The following JAM3 variants were observed in gnomAD, a reference collection of about 807,000 sequenced individuals.
JAM3 encodes the protein junctional adhesion molecule 3.
Under a neutral mutation model 39.4 loss-of-function variants are expected in JAM3, and 31 were observed. The ratio of observed to expected loss-of-function variants is 0.79; its 90% confidence interval spans 0.59 to 1.06. JAM3 has a LOEUF of 1.06. JAM3 is among the 50% of genes least tolerant of loss of function. JAM3 has a pLI of 0.00. For synonymous variants in JAM3, 182 were observed against 148.7 expected, an observed-to-expected ratio of 1.22 and a Z score of -1.63; for missense variants, 455 against 391.4, an observed-to-expected ratio of 1.16 and a Z score of -1.37.
chr11:134,110,787 G>C (rs780959377), intron 1 of JAM3, among the ~76,000 whole-genome samples: 1 of 152,054 alleles, frequency 6.6e-6, no homozygotes, highest in Admixed American at 6.6e-5. Context: ...AAAGCTTTAC[G>C]TATATGCTAA....
chr11:134,090,844 A>C (rs1941834924), intron 1 of JAM3, among the ~76,000 whole-genome samples: 1 of 152,208 alleles, frequency 6.6e-6, no homozygotes, highest in Non-Finnish European at 1.5e-5. Context: ...CTTGTTATGT[A>C]ATAAGATTCT....
intron 1 of JAM3, among the ~76,000 whole-genome samples, chr11:134,115,059 T>G (rs966954917): frequency 6.6e-6 from 1 of 152,254 alleles, no homozygotes; most frequent in Non-Finnish European, 1.5e-5. Flanking sequence ...ATTTTTATGT[T>G]CTTTTGATGA....
chr11:134,119,487 A>G (rs1013815641), intron 1 of JAM3, among the ~76,000 whole-genome samples: 1 of 152,222 alleles, frequency 6.6e-6, no homozygotes, highest in Non-Finnish European at 1.5e-5. Context: ...CCAGAGAAAC[A>G]GAACTATTAG....
In JAM3 at chr11:134,149,360, G is replaced by C; in HGVS notation, c.*179G>C. On this transcript the variant is annotated 3_prime_UTR_variant, in exon 9 of 9. Coordinates refer to ENST00000299106, the MANE Select transcript of JAM3 (RefSeq NM_032801.5). ...ACTCTAACAAGCCACATGAATAGAA[G>C]AATTTTCCTCAAGATGGACCCGGTA... is the stretch of plus-strand genomic sequence containing the variant. 1.4e-6 allele frequency: 1 copy of C among 704,774 alleles called. No homozygotes were observed. Among genetic ancestry groups the C allele is most frequent in the Non-Finnish European group, 2.5e-6 (1 of 407,996 alleles). 43.7% of individuals were successfully genotyped at this position (704,774 alleles called of 1,614,324 possible). A position where few individuals can be genotyped will look rare whatever the true frequency, so the allele number is the denominator to read the frequency against.
intron 1 of JAM3, among the ~76,000 whole-genome samples, chr11:134,087,215 A>C (rs931931061): frequency 6.6e-6 from 1 of 151,582 alleles, no homozygotes; most frequent in Non-Finnish European, 1.5e-5. Flanking sequence ...AGATACACAC[A>C]CACGCACACA....
chr11:134,144,698 G>A (rs1471378685), intron 4 of JAM3, 94 bp from the exon 5 acceptor site: 2 of 1,175,510 alleles, frequency 1.7e-6, no homozygotes, highest in Non-Finnish European at 2.5e-6. Flanking sequence ...CCCCTCGACT[G>A]GCTGTCTTGT....
rs540479145 is a variant in JAM3, at chr11:134,142,208, C to T, written c.256+1438C>T. On this transcript the variant is annotated intron_variant, in intron 3 of 8. Coordinates refer to ENST00000299106, the MANE Select transcript of JAM3 (RefSeq NM_032801.5). ...CTCTTAGCCACAGGGATGGGGAGGC[C>T]GAGGGAGACGGTTTCCCGCACAGAA... 3.9e-5 allele frequency among the ~76,000 whole-genome samples: 6 copies of T among 152,100 alleles called. No individual in the cohort carries two copies. The East Asian group carries it at 1.2e-3, about 29-fold the overall frequency.
At chr11:134,136,045 G>A (rs111473077) in intron 1 of JAM3, among the ~76,000 whole-genome samples, 11,767 of 152,054 alleles carry the variant, frequency 0.077, 592 homozygotes, top group Admixed American at 0.11. Context: ...ACTCCAGCCT[G>A]GGTGACAAGA....
intron 1 of JAM3, among the ~76,000 whole-genome samples, chr11:134,108,645 C>T (rs1016865564): frequency 2.0e-5 from 3 of 152,138 alleles, no homozygotes; most frequent in Non-Finnish European, 4.4e-5. Flanking sequence ...GTTGGTTTAA[C>T]ATATGAAAAT....
At chr11:134,129,333 G>T (rs1942718580) in intron 1 of JAM3, among the ~76,000 whole-genome samples, 1 of 152,018 alleles carries the variant, frequency 6.6e-6, no homozygotes, top group South Asian at 2.1e-4. Flanking sequence ...AGCCAGGATG[G>T]TCTCAATCTC....
intron 1 of JAM3, chr11:134,124,384 A>G (rs1942600944): frequency 1.6e-6 from 1 of 633,546 alleles, no homozygotes; most frequent in Non-Finnish European, 2.9e-6. Context: ...AGTGAAAGAA[A>G]TCAATAAATC....
chr11:134,104,819 C>T (rs1246431793), intron 1 of JAM3, among the ~76,000 whole-genome samples: 2 of 151,978 alleles, frequency 1.3e-5, no homozygotes, highest in Non-Finnish European at 2.9e-5. Flanking sequence ...AAGTTGAATC[C>T]CTGAATAGAC....
chr11:134,081,179 G>A (rs1472167568), intron 1 of JAM3, among the ~76,000 whole-genome samples: 1 of 152,186 alleles, frequency 6.6e-6, no homozygotes, highest in African/African-American at 2.4e-5. Flanking sequence ...GAGCATAAAA[G>A]TTCAGAAAAT....
At chr11:134,110,950 T>C (rs907857558) in intron 1 of JAM3, among the ~76,000 whole-genome samples, 5 of 152,206 alleles carry the variant, frequency 3.3e-5, no homozygotes, top group Admixed American at 6.5e-5. Context: ...ACACTAGCTC[T>C]GTACCAAATC....
chr11:134,069,924 G>T (rs1305718808), intron 1 of JAM3, among the ~76,000 whole-genome samples: 2 of 152,204 alleles, frequency 1.3e-5, no homozygotes, highest in African/African-American at 4.8e-5. Context: ...AGACCACGCA[G>T]ACTCTTATCC....
At chr11:134,082,497 T>G (rs1297196932) in intron 1 of JAM3, among the ~76,000 whole-genome samples, 1 of 152,110 alleles carries the variant, frequency 6.6e-6, no homozygotes, top group African/African-American at 2.4e-5. Flanking sequence ...AATGGAATCA[T>G]GGGGTGGGTC....
chr11:134,121,443 C>T (rs768644121), intron 1 of JAM3, among the ~76,000 whole-genome samples: 2 of 151,940 alleles, frequency 1.3e-5, no homozygotes, highest in African/African-American at 2.4e-5. Context: ...CATTTCCTCT[C>T]CTGCCTTATC....
chr11:134,073,169 TG>T (rs1941510949), intron 1 of JAM3, among the ~76,000 whole-genome samples: 1 of 152,224 alleles, frequency 6.6e-6, no homozygotes, highest in African/African-American at 2.4e-5. Context: ...CTTCTTGGCA[TG>T]GCACACAGAA....
chr11:134,084,511 CAAATT>C (rs1031168688), intron 1 of JAM3, among the ~76,000 whole-genome samples: 80 of 152,174 alleles, frequency 5.3e-4, no homozygotes, highest in African/African-American at 1.7e-3. Context: ...TTAATACAGT[CAAATT>C]AATTAATTCA....
Sources: allele counts gnomAD v4.1 joint callset (sites outside exome capture counted in the v4.1 genomes callset), GRCh38; gene constraint gnomAD v4.1.1; transcripts MANE v1.5; gene names NCBI Gene and HGNC (gene_info 2026-07-23, HGNC 2026-07-21).